The following FAM107B variants were observed in gnomAD, a reference collection of about 807,000 sequenced individuals.
FAM107B encodes the protein family with sequence similarity 107 member B, also known as protein FAM107B.
Under a neutral mutation model 31.5 loss-of-function variants are expected in FAM107B, and 21 were observed. The ratio of observed to expected loss-of-function variants is 0.67; its 90% CI spans 0.47 to 0.96. FAM107B has a LOEUF of 0.96. Among genes scored for constraint, FAM107B ranks in the 40% least tolerant of loss-of-function variants. The pLI, the probability that FAM107B is intolerant of heterozygous loss-of-function variation, is 0.00. For synonymous variants in FAM107B, 157 were observed against 141.5 expected, an observed-to-expected ratio of 1.11 and a Z score of -0.78; for missense variants, 452 against 377.1, an observed-to-expected ratio of 1.20 and a Z score of -1.64.
intron 1 of FAM107B, among the ~76,000 whole-genome samples, chr10:14,721,597 T>C (rs1855914386): frequency 2.6e-5 from 4 of 152,232 alleles, no homozygotes; most frequent in Admixed American, 2.6e-4. Flanking sequence ...TGATGGCCAG[T>C]GATGATGAGC....
chr10:14,529,576 G>A (rs913410566), intron 3 of FAM107B: 1 of 152,012 alleles, frequency 6.6e-6, no homozygotes, highest in African/African-American at 2.4e-5. Flanking sequence ...GCAAAGAGTG[G>A]GCAAATGAGT....
intron 1 of FAM107B, among the ~76,000 whole-genome samples, chr10:14,716,818 A>T (rs1588726301): frequency 6.6e-6 from 1 of 152,206 alleles, no homozygotes; most frequent in East Asian, 1.9e-4. Context: ...CGCCAGGCAC[A>T]GTGGCTTATG....
chr10:14,596,302 G>A (rs1243061987), intron 2 of FAM107B, among the ~76,000 whole-genome samples: 1 of 152,136 alleles, frequency 6.6e-6, no homozygotes, highest in African/African-American at 2.4e-5. Flanking sequence ...CACTGACCAT[G>A]GGAATCACCT....
chr10:14,622,634 A>G (rs1287193744), intron 2 of FAM107B, among the ~76,000 whole-genome samples: 2 of 152,176 alleles, frequency 1.3e-5, no homozygotes, highest in Admixed American at 1.3e-4. Context: ...AGCTTCCTGG[A>G]AGAGAAGGCA....
chr10:14,679,013 C>T (rs1022471431), intron 1 of FAM107B, among the ~76,000 whole-genome samples: 2 of 152,230 alleles, frequency 1.3e-5, no homozygotes, highest in Middle Eastern at 3.2e-3. Flanking sequence ...TGGCATCCCA[C>T]AGGGGTGCTG....
chr10:14,699,149 A>T (rs1467938915), intron 1 of FAM107B, among the ~76,000 whole-genome samples: 3 of 152,202 alleles, frequency 2.0e-5, no homozygotes, highest in African/African-American at 7.2e-5. Context: ...CTGGTTGTAG[A>T]GAAGGAAATT....
chr10:14,690,485 G>A (rs764511698), intron 1 of FAM107B, among the ~76,000 whole-genome samples: 1 of 151,034 alleles, frequency 6.6e-6, no homozygotes, highest in South Asian at 2.1e-4. Context: ...ATGGAGTCTC[G>A]CTCTGTCGCC....
intron 2 of FAM107B, among the ~76,000 whole-genome samples, chr10:14,621,728 G>C (rs1457659046): frequency 6.6e-6 from 1 of 152,206 alleles, no homozygotes; most frequent in Non-Finnish European, 1.5e-5. Flanking sequence ...ATTTGAAACA[G>C]GATTTGGCTT....
intron 1 of FAM107B, among the ~76,000 whole-genome samples, chr10:14,760,102 T>A (rs2131590008): frequency 6.6e-6 from 1 of 152,356 alleles, no homozygotes; most frequent in South Asian, 2.1e-4. Context: ...AGAAACAATT[T>A]AAGGCCACGT....
intron 1 of FAM107B, among the ~76,000 whole-genome samples, chr10:14,679,119 TC>T (rs1854764997): frequency 2.0e-5 from 3 of 150,950 alleles, no homozygotes; most frequent in Admixed American, 1.3e-4. Flanking sequence ...CATAAAAAAG[TC>T]AAGGTAATTT....
intron 1 of FAM107B, among the ~76,000 whole-genome samples, chr10:14,772,903 T>C (rs1369065948): frequency 6.6e-6 from 1 of 152,202 alleles, no homozygotes; most frequent in African/African-American, 2.4e-5. Flanking sequence ...TTCAGTAATA[T>C]AAGGTGGGTC....
intron 2 of FAM107B, among the ~76,000 whole-genome samples, chr10:14,597,487 G>A (rs1167836787): frequency 1.3e-5 from 2 of 152,160 alleles, no homozygotes; most frequent in Non-Finnish European, 2.9e-5. Context: ...TCTTGTCCAA[G>A]AATGGAATAA....
At chr10:14,584,858 G>A (rs143216747) in intron 2 of FAM107B, among the ~76,000 whole-genome samples, 1 of 152,296 alleles carries the variant, frequency 6.6e-6, no homozygotes, top group East Asian at 1.9e-4. Flanking sequence ...CAATCAGGCT[G>A]GTCACAGGCC....
chr10:14,573,298 T>C (rs942770178), intron 2 of FAM107B, among the ~76,000 whole-genome samples: 1 of 152,000 alleles, frequency 6.6e-6, no homozygotes, highest in Non-Finnish European at 1.5e-5. Flanking sequence ...AATGTGGAAG[T>C]GGGATATAAA....
rs1564606940 is a variant in FAM107B, at chr10:14,629,449, TATATATATTA to T, written c.469+38175_469+38184del. Among the ~76,000 whole-genome samples the T allele has an allele frequency of 5.3e-4, 10 of 18,982 alleles. 1 individual carries two copies. Among genetic ancestry groups the T allele is most frequent in the African/African-American group, 1.9e-3 (7 of 3,640 alleles). 12.5% of individuals were successfully genotyped at this position (18,982 alleles called of 152,430 possible). On this transcript the variant is annotated intron_variant, in intron 2 of 4. Transcript: ENST00000181796. ...TATAATATATATTATATATATATTA[TATATATATTA>T]TATATATATTTAATATATATATAAC...
chr10:14,702,217 A>G (rs763912754), intron 1 of FAM107B, among the ~76,000 whole-genome samples: 1 of 152,252 alleles, frequency 6.6e-6, no homozygotes, highest in African/African-American at 2.4e-5. Context: ...ATATATGTAC[A>G]TGGATATCCT....
At position 14,585,324 on chromosome 10, in the gene FAM107B, A is replaced by G. The variant is rs1851787376; in HGVS notation, c.470-54809T>C. 3.3e-5 allele frequency among the ~76,000 whole-genome samples: 5 copies of G among 152,276 alleles called. No homozygotes were observed. The South Asian group carries it at 1.0e-3, about 32-fold the overall frequency. ...CACCTCAGCCCCCTCCACTCTCGCA[A>G]GCCCCATCTTCCCGGCAGTCAACTA... On this transcript the variant is annotated intron_variant, in intron 2 of 4. Transcript: ENST00000181796.
intron 2 of FAM107B, among the ~76,000 whole-genome samples, chr10:14,533,808 T>C (rs1263676208): frequency 1.3e-5 from 2 of 152,208 alleles, no homozygotes; most frequent in Non-Finnish European, 2.9e-5. Context: ...GGGATGTTTT[T>C]CTGACTTCTC....
rs147303124 is a variant in FAM107B at position 14,629,139 on chromosome 10, T to C, written c.469+38495A>G. Among the ~76,000 whole-genome samples the C allele has an allele frequency of 7.2e-3, 1,046 of 145,202 alleles. 9 individuals carry two copies. Among genetic ancestry groups the C allele is most frequent in the African/African-American group, 0.026 (1,016 of 39,664 alleles). On this transcript the variant is annotated intron_variant, in intron 2 of 4. Transcript: ENST00000181796. ...AAGCAATTTAAGATGTTTAAAGGAG[T>C]TTAACTTTCTAAGTGGAACCAAATA...
Sources: allele counts gnomAD v4.1 joint callset (sites outside exome capture counted in the v4.1 genomes callset), GRCh38; gene constraint gnomAD v4.1.1; transcripts MANE v1.5; gene names NCBI Gene and HGNC (gene_info 2026-07-23, HGNC 2026-07-21).